The following CMTR1 variants were observed in gnomAD, a reference collection of about 807,000 sequenced individuals.
CMTR1 encodes the protein cap methyltransferase 1.
In CMTR1, 39 loss-of-function variants were observed where a neutral mutation model predicts 107.0. That is an observed-to-expected ratio of 0.36 (90% CI 0.28 to 0.48). CMTR1 has a LOEUF of 0.48. Ranked by LOEUF, CMTR1 falls within the 20% of genes least tolerant of loss-of-function variation. CMTR1 has a pLI of 0.99. For synonymous variants in CMTR1, 366 were observed against 379.5 expected (o/e 0.96, Z 0.41); for missense variants, 672 against 1,064.9 (o/e 0.63, Z 5.14).
chr6:37,441,404 C>G (rs1771671656), intron 2 of CMTR1, among the ~76,000 whole-genome samples: 1 of 151,878 alleles, frequency 6.6e-6, no homozygotes, highest in African/African-American at 2.4e-5. Context: ...GCTTTTTTTA[C>G]CCTAATTTTC....
At chr6:37,453,216 C>T in intron 7 of CMTR1, 24 bp from the exon 8 acceptor site, 1 of 1,613,796 alleles carries the variant, frequency 6.2e-7, no homozygotes, top group Non-Finnish European at 8.5e-7. Context: ...ACATCTAGTA[C>T]TTTTCTGTCT....
At chr6:37,477,813 C>G (rs1006405597) in intron 21 of CMTR1, among the ~76,000 whole-genome samples, 174 bp downstream of exon 21, 3 of 152,214 alleles carry the variant, frequency 2.0e-5, no homozygotes, top group African/African-American at 7.2e-5. Flanking sequence ...CAAGAGTCCC[C>G]CAGCTGACAG....
chr6:37,442,614 T>G (rs1407066500), intron 2 of CMTR1, among the ~76,000 whole-genome samples: 1 of 152,206 alleles, frequency 6.6e-6, no homozygotes, highest in Non-Finnish European at 1.5e-5. Context: ...ATGAGTGCTG[T>G]GCCAATGACA....
At chr6:37,452,499 G>A (rs945450865) in intron 6 of CMTR1, among the ~76,000 whole-genome samples, 3 of 152,126 alleles carry the variant, frequency 2.0e-5, no homozygotes, top group Admixed American at 6.5e-5. Context: ...TTATTTTTTG[G>A]CAGGCATAGG....
intron 8 of CMTR1, among the ~76,000 whole-genome samples, chr6:37,454,439 A>C (rs1761248687): frequency 6.6e-6 from 1 of 152,330 alleles, no homozygotes; most frequent in South Asian, 2.1e-4. Flanking sequence ...GCATCTTGAG[A>C]AAATTAGGTT....
intron 13 of CMTR1, among the ~76,000 whole-genome samples, chr6:37,464,892 CTGTGTGTGTGTGTGTGTGTGTGTG>C (rs61375488): frequency 4.0e-5 from 6 of 148,352 alleles, no homozygotes; most frequent in African/African-American, 1.5e-4. Context: ...TTCTAAAACG[CTGTGTGTGTGTGTGTGTGTGTGTG>C]TGTGTGTGTG....
At chr6:37,476,619 A>G (rs536982722) in intron 20 of CMTR1, among the ~76,000 whole-genome samples, 10 of 72,140 alleles carry the variant, frequency 1.4e-4, no homozygotes, top group Admixed American at 4.3e-4. Context: ...GCTGAGGGAG[A>G]AGGAGGCCAG....
intron 14 of CMTR1, 46 bp from the exon 15 acceptor site, chr6:37,471,801 T>G (rs954947579): frequency 6.3e-7 from 1 of 1,583,212 alleles, no homozygotes; most frequent in African/African-American, 1.3e-5. Flanking sequence ...GGGGCACTCC[T>G]GTGCCTCTTA....
At chr6:37,468,974 C>T (rs1175492177) in intron 13 of CMTR1, among the ~76,000 whole-genome samples, 3 of 152,148 alleles carry the variant, frequency 2.0e-5, no homozygotes, top group African/African-American at 7.2e-5. Context: ...GAGGCCAAGG[C>T]AGGTGGATCA....
chr6:37,436,409 C>T (rs1337572032), intron 2 of CMTR1: 1 of 152,154 alleles, frequency 6.6e-6, no homozygotes, highest in East Asian at 1.9e-4. Flanking sequence ...CTTGACTTGC[C>T]AGCTGTATTA....
chr6:37,443,909 C>A, intron 2 of CMTR1, 90 bp from the exon 3 acceptor site: 1 of 1,415,816 alleles, frequency 7.1e-7, no homozygotes, highest in Non-Finnish European at 9.6e-7. Flanking sequence ...ATTGTGTATA[C>A]TGAACAGTAG....
At chr6:37,437,516 C>CA (rs35749564) in intron 2 of CMTR1, among the ~76,000 whole-genome samples, 90,540 of 118,158 alleles carry the variant, frequency 0.77, 34,204 homozygotes, top group Middle Eastern at 0.91. Context: ...GAGTCCGTCT[C>CA]AAAAAAAAAA....
the CMTR1 span, among the ~76,000 whole-genome samples, chr6:37,424,144 C>T: frequency 6.6e-6 from 1 of 151,922 alleles, no homozygotes; most frequent in East Asian, 1.9e-4. Flanking sequence ...ACAGGCTGCT[C>T]TTTGTTAGAA....
In CMTR1 at chr6:37,435,658, C is replaced by T. The variant is rs139950902; in HGVS notation, c.29C>T (p.Thr10Ile). MKRRTDPECTAPIKKQKKRV... is the reference protein window; with the variant it reads MKRRTDPECIAPIKKQKKRV... ...AAGAGGAGAACTGACCCAGAATGCACTGCCCCCATCAAGAAACAGAAAAAA... is the reference window on the plus strand; with the variant it reads ...AAGAGGAGAACTGACCCAGAATGCATTGCCCCCATCAAGAAACAGAAAAAA... The change falls in exon 2 of 24, where the codon ACT becomes ATT. Residue 10 changes from threonine (T) to isoleucine (I), a missense_variant. Thr to Ile is a moderately conservative substitution (Grantham distance 89). Around this residue, in one of 2 missense-constraint regions of CMTR1, gnomAD observed 89 missense variants for 96.6 expected, o/e 0.92. Coordinates refer to ENST00000373451, the MANE Select transcript of CMTR1 (RefSeq NM_015050.3). 3.2e-5 allele frequency: 52 copies of T among 1,600,848 alleles called. No homozygotes were observed. The highest frequency in any genetic ancestry group is 5.2e-5 in the Admixed American group (3 of 57,346).
At chr6:37,431,553 C>T (rs1326144465), upstream of CMTR1, among the ~76,000 whole-genome samples, 3 of 152,130 alleles carry the variant, frequency 2.0e-5, no homozygotes, top group Non-Finnish European at 2.9e-5. Flanking sequence ...CTTTCCTGTA[C>T]AGAGTTTACA....
At chr6:37,429,806 C>T (rs1262727280), upstream of CMTR1, among the ~76,000 whole-genome samples, 1 of 152,152 alleles carries the variant, frequency 6.6e-6, no homozygotes, top group Non-Finnish European at 1.5e-5. Flanking sequence ...GGCGTGGTGG[C>T]ATGTGCCTAT....
At chr6:37,462,805 G>C (rs752011911) in intron 12 of CMTR1, 24 bp from the exon 13 acceptor site, 15 of 1,609,528 alleles carry the variant, frequency 9.3e-6, no homozygotes, top group Non-Finnish European at 1.3e-5. Context: ...TTGCTCGGTG[G>C]AGTGACAGAG....
At chr6:37,475,474 C>G (rs772553555) in intron 19 of CMTR1, 62 bp downstream of exon 19, 1 of 1,413,196 alleles carries the variant, frequency 7.1e-7, no homozygotes, top group South Asian at 1.2e-5. Flanking sequence ...GGGAGGACAG[C>G]GGCCTCCCGA....
chr6:37,440,779 A>G (rs1307177691), intron 2 of CMTR1, among the ~76,000 whole-genome samples: 1 of 152,196 alleles, frequency 6.6e-6, no homozygotes, highest in East Asian at 1.9e-4. Flanking sequence ...TATTCTGAAG[A>G]CAGAAGGAAA....
Sources: gnomAD v4.1 joint callset for allele counts (sites outside exome capture counted in the v4.1 genomes callset) on GRCh38, gnomAD v4.1.1 for gene constraint, gnomAD v4.1.1 regional missense constraint, MANE v1.5 for transcripts, NCBI Gene and HGNC (gene_info 2026-07-23, HGNC 2026-07-21) for gene names.